The following CSMD1 variants were observed in gnomAD, a reference collection of about 807,000 sequenced individuals.
The protein encoded by CSMD1 is CUB and sushi domain-containing protein 1.
CSMD1 carries 213 observed loss-of-function variants against 417.5 expected under a neutral mutation model. The ratio of observed to expected loss-of-function variants is 0.51; its 90% confidence interval spans 0.46 to 0.57. The LOEUF is 0.57. Among genes scored for constraint, CSMD1 ranks in the 20% least tolerant of loss-of-function variants. The pLI is 0.00. For synonymous variants in CSMD1, 2,862 were observed against 1,736.8 expected, an observed-to-expected ratio of 1.65 and a Z score of -16.11; for missense variants, 6,923 against 4,529.7, an observed-to-expected ratio of 1.53 and a Z score of -15.17.
Position 4,991,484 on chromosome 8 carries a change from C to G in CSMD1, c.85+2848G>C, listed in dbSNP as rs559932272. 4.3e-4 allele frequency among the ~76,000 whole-genome samples: 66 copies of G among 152,320 alleles called. 1 individual carries two copies. The highest frequency in any genetic ancestry group is 3.4e-3 in the Middle Eastern group (1 of 292). ...GCCTCACGACTCCGCAAACAGGTCACGAATTATGCCCCACGCATCAAAAAC... is the reference window on the plus strand; with the variant it reads ...GCCTCACGACTCCGCAAACAGGTCAGGAATTATGCCCCACGCATCAAAAAC... On this transcript the variant is annotated intron_variant, in intron 1 of 69. Transcript: ENST00000635120.
rs140750605 is a variant in CSMD1 at position 4,146,901 on chromosome 8, C to T, written c.416-114802G>A. ...CCGGCGTGATTACATGTGTGAGCCA[C>T]CGCACCGGCCAGACACACTGAACTT... On this transcript the variant is annotated intron_variant, in intron 3 of 69. Transcript: ENST00000635120. 6.9e-5 allele frequency among the ~76,000 whole-genome samples: 10 copies of T among 144,468 alleles called. 2 individuals are homozygous for T. Among genetic ancestry groups the T allele is most frequent in the African/African-American group, 2.9e-4 (10 of 34,340 alleles). 94.8% of individuals were successfully genotyped at this position (144,468 alleles called of 152,430 possible). A position where few individuals can be genotyped will look rare whatever the true frequency, so the allele number is the denominator to read the frequency against.
At chr8:4,067,635 C>G (rs1246777941) in intron 3 of CSMD1, among the ~76,000 whole-genome samples, 2 of 152,150 alleles carry the variant, frequency 1.3e-5, no homozygotes, top group Non-Finnish European at 2.9e-5. Context: ...CCTACATAAA[C>G]TGATTTCATT....
chr8:4,079,691 G>A (rs946161529), intron 3 of CSMD1, among the ~76,000 whole-genome samples: 1 of 152,204 alleles, frequency 6.6e-6, no homozygotes, highest in Admixed American at 6.5e-5. Flanking sequence ...TATTCCTGTA[G>A]TAAACTTGCT....
intron 1 of CSMD1, among the ~76,000 whole-genome samples, chr8:4,935,227 G>T (rs1563807808): frequency 1.3e-5 from 2 of 152,300 alleles, no homozygotes; most frequent in African/African-American, 4.8e-5. Flanking sequence ...CCTGGATCCA[G>T]AGTTCTTCCT....
chr8:4,622,632 G>C (rs61565678), intron 2 of CSMD1, among the ~76,000 whole-genome samples: 3,975 of 152,256 alleles, frequency 0.026, 210 homozygotes, highest in East Asian at 0.19. Flanking sequence ...AGAAGAGCAG[G>C]TTTGGAAATG....
intron 1 of CSMD1, among the ~76,000 whole-genome samples, chr8:4,877,890 C>G (rs920443043): frequency 6.6e-6 from 1 of 152,024 alleles, no homozygotes; most frequent in Non-Finnish European, 1.5e-5. Context: ...CATCAAGGAA[C>G]ATCATTGAGA....
At chr8:4,215,333 G>T (rs974838364) in intron 3 of CSMD1, among the ~76,000 whole-genome samples, 1 of 152,090 alleles carries the variant, frequency 6.6e-6, no homozygotes, top group East Asian at 1.9e-4. Context: ...TTGGCTTTTA[G>T]ATGTCCACAG....
chr8:4,642,422 G>A (rs1473253081), intron 1 of CSMD1, among the ~76,000 whole-genome samples: 2 of 152,168 alleles, frequency 1.3e-5, no homozygotes, highest in Non-Finnish European at 2.9e-5. Context: ...CCGGGCTGTT[G>A]CTCTGTAATT....
chr8:4,933,164 C>G (rs1055855510), intron 1 of CSMD1, among the ~76,000 whole-genome samples: 1 of 151,316 alleles, frequency 6.6e-6, no homozygotes, highest in Non-Finnish European at 1.5e-5. Context: ...ACTTTTTTTT[C>G]TTTCTTCCCC....
chr8:3,948,174 C>G (rs971113012), intron 5 of CSMD1, among the ~76,000 whole-genome samples: 1 of 152,094 alleles, frequency 6.6e-6, no homozygotes, highest in South Asian at 2.1e-4. Context: ...CACTACACTG[C>G]AGCCTGGCAA....
rs982203770 is a variant in CSMD1, at chr8:4,004,178, T to G, written c.611-6068A>C. 2.0e-5 allele frequency among the ~76,000 whole-genome samples: 3 copies of G among 152,246 alleles called. 1 individual carries two copies. Among genetic ancestry groups the G allele is most frequent in the Admixed American group, 2.0e-4 (3 of 15,296 alleles). On this transcript the variant is annotated intron_variant, in intron 4 of 69. Transcript: ENST00000635120. ...TATAAACATTTTAATATAATTGTGG[T>G]ATTATAGTAATATAATTGTTATGAG... is the stretch of plus-strand genomic sequence containing the variant.
Position 2,998,185 on chromosome 8 carries a change from C to T in CSMD1, c.8204-1G>A. 1 of 1,613,578 alleles carries T rather than the reference C, an allele frequency of 6.2e-7. No homozygotes were observed. The highest frequency in any genetic ancestry group is 8.5e-7 in the Non-Finnish European group (1 of 1,179,608). ...TTTCCAGGGTGACCACATGTGATGG[C>T]TGTAGAGAGACAGGTCAACGTCATT... On this transcript the variant is annotated splice_acceptor_variant, in intron 53 of 69. Transcript: ENST00000635120. LOFTEE classifies it high-confidence loss of function.
chr8:3,345,656 G>A (rs1033868352), intron 22 of CSMD1, among the ~76,000 whole-genome samples: 3 of 152,104 alleles, frequency 2.0e-5, no homozygotes, highest in Non-Finnish European at 4.4e-5. Flanking sequence ...AAGTCTTTGG[G>A]ATTCATATGT....
At chr8:3,217,199 C>G (rs1797930806) in intron 29 of CSMD1, among the ~76,000 whole-genome samples, 1 of 152,162 alleles carries the variant, frequency 6.6e-6, no homozygotes, top group South Asian at 2.1e-4. Context: ...GGGCTGCATG[C>G]AATGGCATCA....
chr8:4,075,511 T>G (rs868015829), intron 3 of CSMD1, among the ~76,000 whole-genome samples: 1 of 152,200 alleles, frequency 6.6e-6, no homozygotes, highest in African/African-American at 2.4e-5. Context: ...TTCGTGGGAA[T>G]TGATAACTAA....
chr8:3,597,197 G>A (rs1432099558), intron 8 of CSMD1, among the ~76,000 whole-genome samples: 1 of 152,152 alleles, frequency 6.6e-6, no homozygotes, highest in Non-Finnish European at 1.5e-5. Context: ...AGGGGACACA[G>A]GAACTGAGAG....
At chr8:4,940,566 C>A (rs910189072) in intron 1 of CSMD1, among the ~76,000 whole-genome samples, 2 of 152,162 alleles carry the variant, frequency 1.3e-5, no homozygotes, top group African/African-American at 4.8e-5. Flanking sequence ...ATCAACTAGC[C>A]TCGTGAAGTT....
At chr8:3,893,864 C>G (rs78927996) in intron 5 of CSMD1, among the ~76,000 whole-genome samples, 4 of 152,116 alleles carry the variant, frequency 2.6e-5, no homozygotes, top group Non-Finnish European at 5.9e-5. Context: ...TAGTAAAAAA[C>G]ACACCCCTGG....
Position 3,228,467 on chromosome 8 carries a change from C to A in CSMD1, c.4345+1573G>T, listed in dbSNP as rs781682478. Among the ~76,000 whole-genome samples, 9 of 152,090 alleles carry A rather than the reference C, an allele frequency of 5.9e-5. 1 individual carries two copies. The highest frequency in any genetic ancestry group is 2.0e-4 in the Admixed American group (3 of 15,266). On this transcript the variant is annotated intron_variant, in intron 27 of 69. Transcript: ENST00000635120. ...CTACGCATGTAGGCGGGTCTGGTTG[C>A]CAAAATAATTGATTATTCATCTGCC...
Sources: gnomAD v4.1 joint callset for allele counts (sites outside exome capture counted in the v4.1 genomes callset) on GRCh38, gnomAD v4.1.1 for gene constraint, MANE v1.5 for transcripts, NCBI Gene and HGNC (gene_info 2026-07-23, HGNC 2026-07-21) for gene names.